Variants in CADM2 observed in about 807,000 individuals in gnomAD.
CADM2 encodes cell adhesion molecule 2, also known as immunoglobulin superfamily member 4D.
A neutral mutation model predicts 49.8 loss-of-function variants in CADM2; 12 were observed. That is an observed-to-expected ratio of 0.24 (90% CI 0.15 to 0.39). The LOEUF is 0.39. Ranked by LOEUF, CADM2 falls within the 10% of genes least tolerant of loss-of-function variation. CADM2 has a pLI of 1.00. For synonymous variants in CADM2, 214 were observed against 175.4 expected, an observed-to-expected ratio of 1.22 and a Z score of -1.74; for missense variants, 378 against 492.3, an observed-to-expected ratio of 0.77 and a Z score of 2.20.
chr3:85,482,461 C>T (rs766032870), intron 1 of CADM2, among the ~76,000 whole-genome samples: 2 of 151,644 alleles, frequency 1.3e-5, no homozygotes, highest in East Asian at 1.9e-4. Context: ...CCTGAGTTAC[C>T]GAGTAATCTC....
At chr3:85,351,362 A>G (rs998176926) in intron 1 of CADM2, among the ~76,000 whole-genome samples, 5 of 152,216 alleles carry the variant, frequency 3.3e-5, no homozygotes, top group African/African-American at 1.2e-4. Flanking sequence ...TTAAAAGGAT[A>G]TCACATCAAA....
At chr3:85,342,860 G>A (rs1040944653) in intron 1 of CADM2, among the ~76,000 whole-genome samples, 6 of 152,018 alleles carry the variant, frequency 3.9e-5, no homozygotes, top group Admixed American at 2.6e-4. Flanking sequence ...GTAAAGCACC[G>A]CTTTCCTACT....
chr3:86,047,737 G>A lies in CADM2; in HGVS notation c.971-17868G>A, dbSNP rs146819793. Among the ~76,000 whole-genome samples, 8 of 152,230 alleles carry A rather than the reference G, an allele frequency of 5.3e-5. No individual in the cohort carries two copies. The East Asian group carries it at 1.4e-3, about 26-fold the overall frequency. The stretch of plus-strand genomic sequence containing the variant: ...AGTAAAGTAGAATATAAAGTTTATG[G>A]CCACTATCTCACAAAGTAAAATTAA... On this transcript the variant is annotated intron_variant, in intron 8 of 9. Transcript: ENST00000383699.
chr3:85,719,311 G>T (rs2067415149), intron 1 of CADM2, among the ~76,000 whole-genome samples: 1 of 152,110 alleles, frequency 6.6e-6, no homozygotes, highest in East Asian at 1.9e-4. Context: ...CATAGGAAAA[G>T]ATGTGTTCAG....
intron 2 of CADM2, among the ~76,000 whole-genome samples, chr3:85,797,111 GA>G (rs971364273): frequency 6.0e-4 from 80 of 133,944 alleles, no homozygotes; most frequent in South Asian, 2.1e-3. Context: ...AAAAGAAAAA[GA>G]AAAAAAAAAA....
At chr3:85,389,471 T>G (rs1402237509) in intron 1 of CADM2, among the ~76,000 whole-genome samples, 1 of 152,100 alleles carries the variant, frequency 6.6e-6, no homozygotes, top group Non-Finnish European at 1.5e-5. Flanking sequence ...CTAGCTAATT[T>G]ATTATGTTAT....
intron 1 of CADM2, among the ~76,000 whole-genome samples, chr3:85,120,570 C>T (rs1475271575): frequency 6.6e-6 from 1 of 152,076 alleles, no homozygotes; most frequent in Non-Finnish European, 1.5e-5. Flanking sequence ...AGCAAACTAA[C>T]ACAGGAACAG....
At chr3:85,532,051 C>T (rs1463124151) in intron 1 of CADM2, among the ~76,000 whole-genome samples, 1 of 152,130 alleles carries the variant, frequency 6.6e-6, no homozygotes, top group South Asian at 2.1e-4. Flanking sequence ...GTGGCGGGAG[C>T]CTGTAGTCCC....
chr3:85,108,792 C>T (rs1005404199), intron 1 of CADM2, among the ~76,000 whole-genome samples: 1 of 151,886 alleles, frequency 6.6e-6, no homozygotes, highest in Non-Finnish European at 1.5e-5. Flanking sequence ...TAGAAAAAAA[C>T]ATGTTTTTAA....
At chr3:85,431,860 C>CATATGTATGTATATATATATATATATAT (rs139257494) in intron 1 of CADM2, among the ~76,000 whole-genome samples, 3 of 51,812 alleles carry the variant, frequency 5.8e-5, no homozygotes, top group African/African-American at 1.1e-4. Context: ...TGCTTAATTG[C>CATATGTATGTATATATATATATATATAT]ATATATATAT....
At chr3:85,509,851 T>A (rs1576683484) in intron 1 of CADM2, among the ~76,000 whole-genome samples, 1 of 152,012 alleles carries the variant, frequency 6.6e-6, no homozygotes, top group Non-Finnish European at 1.5e-5. Flanking sequence ...CCATTTAAAG[T>A]AGCACTCCAA....
At chr3:86,008,058 A>G (rs13061466) in intron 8 of CADM2, among the ~76,000 whole-genome samples, 3 of 152,186 alleles carry the variant, frequency 2.0e-5, no homozygotes, top group African/African-American at 7.2e-5. Context: ...TCATGATGTC[A>G]TGAAATTCCA....
At chr3:85,590,429 A>G (rs889523577) in intron 1 of CADM2, among the ~76,000 whole-genome samples, 10 of 151,996 alleles carry the variant, frequency 6.6e-5, no homozygotes, top group Admixed American at 5.3e-4. Context: ...CTGAAAGCAA[A>G]AAAATCATTA....
At chr3:85,288,889 G>C (rs1428573491) in intron 1 of CADM2, among the ~76,000 whole-genome samples, 4 of 147,444 alleles carry the variant, frequency 2.7e-5, no homozygotes, top group Non-Finnish European at 5.9e-5. Context: ...TTCCTACACA[G>C]TACATTCACT....
chr3:85,596,363 A>G (rs1458139971), intron 1 of CADM2, among the ~76,000 whole-genome samples: 1 of 152,040 alleles, frequency 6.6e-6, no homozygotes, highest in Non-Finnish European at 1.5e-5. Context: ...TTTTAAATAA[A>G]TGATTTAACA....
intron 1 of CADM2, among the ~76,000 whole-genome samples, chr3:85,441,809 T>G (rs2037214972): frequency 6.6e-6 from 1 of 151,846 alleles, no homozygotes; most frequent in Admixed American, 6.6e-5. Context: ...GAGAAATACA[T>G]GAAGAATCAC....
intron 8 of CADM2, among the ~76,000 whole-genome samples, chr3:86,008,593 A>G (rs1048762118): frequency 2.6e-5 from 4 of 152,104 alleles, no homozygotes; most frequent in Non-Finnish European, 4.4e-5. Flanking sequence ...TGAAATGACA[A>G]TTTCAAAGGA....
chr3:85,343,996 A>G (rs907738584), intron 1 of CADM2, among the ~76,000 whole-genome samples: 3 of 152,186 alleles, frequency 2.0e-5, no homozygotes, highest in African/African-American at 7.2e-5. Context: ...GAAAATAAAA[A>G]TCTAAAGAGA....
intron 8 of CADM2, among the ~76,000 whole-genome samples, chr3:86,032,461 A>G (rs753355908): frequency 5.3e-5 from 8 of 151,910 alleles, no homozygotes; most frequent in Admixed American, 6.6e-5. Flanking sequence ...TCAGAAAGCA[A>G]TAGCTAAAAG....
Sources: gnomAD v4.1 joint callset for allele counts (sites outside exome capture counted in the v4.1 genomes callset) on GRCh38, gnomAD v4.1.1 for gene constraint, MANE v1.5 for transcripts, NCBI Gene and HGNC (gene_info 2026-07-23, HGNC 2026-07-21) for gene names.